The following HIBCH variants were observed in gnomAD, a reference collection of about 807,000 sequenced individuals.
HIBCH encodes 3-hydroxyisobutyryl-CoA hydrolase, mitochondrial.
In HIBCH, 50 loss-of-function variants were observed where a neutral mutation model predicts 58.2. That is an observed-to-expected ratio of 0.86 (90% CI 0.68 to 1.09). The LOEUF (loss-of-function observed/expected upper bound fraction) is 1.09. Among genes scored for constraint, HIBCH ranks in the 50% least tolerant of loss-of-function variants. HIBCH has a pLI of 0.00. For missense variants in HIBCH, 450 were observed against 449.7 expected (o/e 1.00, Z -0.01); for synonymous variants, 151 against 146.9 (o/e 1.03, Z -0.20).
At position 190,217,563 on chromosome 2, in the gene HIBCH, G is replaced by A. The variant is rs1443145723; in HGVS notation, c.892-4488C>T. ...GCAGGACTACTAACCTTTCTACTATGAAAATCAAAGACCAATTTTTTAAAA... is the reference window on the plus strand; with the variant it reads ...GCAGGACTACTAACCTTTCTACTATAAAAATCAAAGACCAATTTTTTAAAA... On this transcript the variant is annotated intron_variant, in intron 11 of 13. Coordinates refer to ENST00000359678, the MANE Select transcript of HIBCH (RefSeq NM_014362.4). The surrounding 1 kb of genome is among the most constrained non-coding windows in gnomAD (Gnocchi z 4.6). Among the ~76,000 whole-genome samples the A allele has an allele frequency of 6.6e-6, 1 of 152,120 alleles. No individual in the cohort carries two copies. Among genetic ancestry groups the A allele is most frequent in the Non-Finnish European group, 1.5e-5 (1 of 68,024 alleles).
chr2:190,307,936 T>A (rs745436464), intron 2 of HIBCH, among the ~76,000 whole-genome samples: 1 of 152,218 alleles, frequency 6.6e-6, no homozygotes, highest in Non-Finnish European at 1.5e-5. Context: ...AATAATCCTG[T>A]CCACTTCTCA....
chr2:190,306,238 G>A lies in HIBCH; in HGVS notation c.78+4516C>T, dbSNP rs1490840971. On this transcript the variant is annotated intron_variant, in intron 2 of 13. Coordinates refer to ENST00000359678, the MANE Select transcript of HIBCH (RefSeq NM_014362.4). The surrounding 1 kb of genome is among the most constrained non-coding windows in gnomAD (Gnocchi z 4.6). Reference sequence around the variant, plus strand: ...AAATGGAATTTAGCCGCTGAGGGATGCAATCTGGCATAAGCGCTGGAAATT... The same window carrying A: ...AAATGGAATTTAGCCGCTGAGGGATACAATCTGGCATAAGCGCTGGAAATT... Among the ~76,000 whole-genome samples the A allele has an allele frequency of 6.6e-6, 1 of 152,148 alleles. No individual in the cohort carries two copies. The highest frequency in any genetic ancestry group is 2.4e-5 in the African/African-American group (1 of 41,422).
intron 11 of HIBCH, among the ~76,000 whole-genome samples, chr2:190,240,582 G>T (rs1281737811): frequency 6.6e-6 from 1 of 152,080 alleles, no homozygotes; most frequent in African/African-American, 2.4e-5. Flanking sequence ...TGATGTAAGG[G>T]TGTCAATTTT....
intron 1 of HIBCH, among the ~76,000 whole-genome samples, chr2:190,191,481 G>C (rs964008201): frequency 2.6e-5 from 4 of 152,172 alleles, no homozygotes; most frequent in African/African-American, 9.6e-5. Flanking sequence ...AAATTTTCAT[G>C]TATCTAGGGT....
chr2:190,247,261 A>C (rs1349580545), intron 9 of HIBCH, among the ~76,000 whole-genome samples: 1 of 152,196 alleles, frequency 6.6e-6, no homozygotes, highest in Non-Finnish European at 1.5e-5. Context: ...CTTGAGAAAA[A>C]TGCTGAATAA....
intron 1 of HIBCH, among the ~76,000 whole-genome samples, chr2:190,311,676 T>G (rs1235199513): frequency 6.6e-6 from 1 of 152,242 alleles, no homozygotes; most frequent in Admixed American, 6.5e-5. Flanking sequence ...TCACATTATT[T>G]ACAGGATGGA....
At chr2:190,222,662 C>A (rs778852152) in intron 11 of HIBCH, among the ~76,000 whole-genome samples, 3 of 152,186 alleles carry the variant, frequency 2.0e-5, no homozygotes, top group Non-Finnish European at 4.4e-5. Flanking sequence ...AACGCTTTTA[C>A]ACTGTTGGTG....
In HIBCH at chr2:190,207,070, C is replaced by A. The variant is rs78287770; in HGVS notation, c.1045+1810G>T. Among the ~76,000 whole-genome samples the A allele has an allele frequency of 1.3e-5, 2 of 151,998 alleles. No homozygotes were observed. Among genetic ancestry groups the A allele is most frequent in the Non-Finnish European group, 2.9e-5 (2 of 67,984 alleles). On this transcript the variant is annotated intron_variant, in intron 13 of 13. Transcript: ENST00000359678. The surrounding 1 kb of genome is among the most constrained non-coding windows in gnomAD (Gnocchi z 4.5). Reference sequence around the variant, plus strand: ...CCGGGAGGCGGAGTTTGCAGTGAGCCGAGATTTTGCCACTGCTCTCCAGCC... The same window carrying A: ...CCGGGAGGCGGAGTTTGCAGTGAGCAGAGATTTTGCCACTGCTCTCCAGCC...
Position 190,279,301 on chromosome 2 carries a change from A to G in HIBCH, c.438+8285T>C, listed in dbSNP as rs1247938970. 1.3e-5 allele frequency among the ~76,000 whole-genome samples: 2 copies of G among 152,172 alleles called. No homozygotes were observed. Among genetic ancestry groups the G allele is most frequent in the Non-Finnish European group, 2.9e-5 (2 of 68,032 alleles). On this transcript the variant is annotated intron_variant, in intron 6 of 13. Coordinates refer to ENST00000359678, the MANE Select transcript of HIBCH (RefSeq NM_014362.4). The surrounding 1 kb of genome is among the most constrained non-coding windows in gnomAD (Gnocchi z 4.2). Reference sequence around the variant, plus strand: ...GTTACATTCAGGATTAAGTTTCAACATGAGTTTCGGTGGGGACAAATATTC... The same window carrying G: ...GTTACATTCAGGATTAAGTTTCAACGTGAGTTTCGGTGGGGACAAATATTC...
Position 190,299,241 on chromosome 2 carries a change from C to T in HIBCH, c.79-2288G>A, listed in dbSNP as rs79711584. ...CATATTTTGACTGCATTAAGCAACACGTTTATATAACGTTTAAGTTCTCCT... is the reference window on the plus strand; with the variant it reads ...CATATTTTGACTGCATTAAGCAACATGTTTATATAACGTTTAAGTTCTCCT... On this transcript the variant is annotated intron_variant, in intron 2 of 13. Transcript: ENST00000359678. Among the ~76,000 whole-genome samples the T allele has an allele frequency of 4.8e-3, 732 of 152,274 alleles. 4 individuals carry two copies. The highest frequency in any genetic ancestry group is 0.014 in the Middle Eastern group (4 of 294).
At chr2:190,303,575 A>C (rs1471226495) in intron 2 of HIBCH, among the ~76,000 whole-genome samples, 2 of 152,174 alleles carry the variant, frequency 1.3e-5, no homozygotes, top group Non-Finnish European at 2.9e-5. Context: ...CCAAAGAATA[A>C]ATATCCATGA....
In HIBCH at chr2:190,306,907, T is replaced by G. The variant is rs1480253270; in HGVS notation, c.78+3847A>C. ...CTTCTACCACAAGAGGACAGAGAGA[T>G]AAGATGGCCAACAAGGCTGTCTATT... On this transcript the variant is annotated intron_variant, in intron 2 of 13. Transcript: ENST00000359678. The surrounding 1 kb of genome is among the most constrained non-coding windows in gnomAD (Gnocchi z 4.6). Among the ~76,000 whole-genome samples the G allele has an allele frequency of 6.6e-6, 1 of 152,186 alleles. No homozygotes were observed. The highest frequency in any genetic ancestry group is 1.5e-5 in the Non-Finnish European group (1 of 68,016).
At chr2:190,286,333 C>T (rs991963212) in intron 6 of HIBCH, among the ~76,000 whole-genome samples, 14 of 152,324 alleles carry the variant, frequency 9.2e-5, no homozygotes, top group Non-Finnish European at 1.0e-4. Flanking sequence ...TGAACTTACA[C>T]ACAAAAACAG....
intron 6 of HIBCH, among the ~76,000 whole-genome samples, chr2:190,273,064 C>A (rs1314958954): frequency 6.6e-6 from 1 of 152,060 alleles, no homozygotes; most frequent in Non-Finnish European, 1.5e-5. Context: ...AACTAAATGA[C>A]CCTGAAATTT....
chr2:190,262,163 CA>C lies in HIBCH; in HGVS notation c.439-930del, dbSNP rs982653583. Among the ~76,000 whole-genome samples the C allele has an allele frequency of 2.3e-3, 214 of 91,854 alleles. 1 individual carries two copies. The highest frequency in any genetic ancestry group is 4.0e-3 in the Admixed American group (36 of 8,984). The allele number at this position is 91,854 out of a possible 152,430, so 60.3% of individuals were successfully genotyped here. On this transcript the variant is annotated intron_variant, in intron 6 of 13. Coordinates refer to ENST00000359678, the MANE Select transcript of HIBCH (RefSeq NM_014362.4). Reference sequence around the variant, plus strand: ...AAGCTGGTTTTATATGCGGTAGAGACAAAAAAAAAAAAAAGAAAAGAAAAGA... The same window carrying C: ...AAGCTGGTTTTATATGCGGTAGAGACAAAAAAAAAAAAAGAAAAGAAAAGA...
chr2:190,195,829 C>T (rs1689943907), intron 1 of HIBCH, among the ~76,000 whole-genome samples: 1 of 151,968 alleles, frequency 6.6e-6, no homozygotes, highest in African/African-American at 2.4e-5. Flanking sequence ...TGTCGCCAAA[C>T]CCAAGGTTAT....
intron 6 of HIBCH, among the ~76,000 whole-genome samples, chr2:190,286,809 G>A (rs1357645295): frequency 1.3e-5 from 2 of 151,014 alleles, no homozygotes; most frequent in Admixed American, 6.6e-5. Flanking sequence ...CCACTAAGGT[G>A]AAATTTTGAG....
chr2:190,264,326 G>C (rs1032961782), intron 6 of HIBCH, among the ~76,000 whole-genome samples: 9 of 150,462 alleles, frequency 6.0e-5, no homozygotes, highest in African/African-American at 2.0e-4. Context: ...TCCACTTAAA[G>C]GTACACAAAC....
Position 190,210,041 on chromosome 2 carries a change from T to A in HIBCH, c.1012-1128A>T, listed in dbSNP as rs1176959899. On this transcript the variant is annotated intron_variant, in intron 12 of 13. Coordinates refer to ENST00000359678, the MANE Select transcript of HIBCH (RefSeq NM_014362.4). This position sits in a 1 kb window ranked among gnomAD's most constrained non-coding sequence, Gnocchi z 5.5. ...CTATTGGATCATTCCCAATCATTTT[T>A]AAACATGTTCTAGTACCTTCCATCT... Among the ~76,000 whole-genome samples, 6 of 152,210 alleles carry A rather than the reference T, an allele frequency of 3.9e-5. No individual in the cohort carries two copies. Among genetic ancestry groups the A allele is most frequent in the African/African-American group, 1.4e-4 (6 of 41,456 alleles).
Sources: gnomAD v4.1 joint callset for allele counts (sites outside exome capture counted in the v4.1 genomes callset) on GRCh38, gnomAD v4.1.1 for gene constraint, Gnocchi (gnomAD v3.1) non-coding constraint, MANE v1.5 for transcripts, NCBI Gene and HGNC (gene_info 2026-07-23, HGNC 2026-07-21) for gene names.